The following XKR9 variants were observed in gnomAD, a reference collection of about 807,000 sequenced individuals.
The protein encoded by XKR9 is XK-related protein 9.
A neutral mutation model predicts 32.0 loss-of-function variants in XKR9; 32 were observed. The observed-to-expected ratio is 1.00, with a 90% confidence interval of 0.76 to 1.34. The LOEUF (loss-of-function observed/expected upper bound fraction) is 1.34. Among genes scored for constraint, XKR9 ranks in the 40% most tolerant of loss-of-function variants. The pLI, the probability that XKR9 is intolerant of heterozygous loss-of-function variation, is 0.00. For synonymous variants in XKR9, 168 were observed against 143.4 expected (o/e 1.17, Z -1.22); for missense variants, 546 against 429.7 (o/e 1.27, Z -2.39).
In XKR9 at chr8:70,757,514, A is replaced by T. The variant is rs148365687; in HGVS notation, n.353-31825A>T. Among the ~76,000 whole-genome samples the T allele has an allele frequency of 6.5e-3, 989 of 152,100 alleles. 3 individuals are homozygous for T. The highest frequency in any genetic ancestry group is 9.4e-3 in the Non-Finnish European group (637 of 68,010). On this transcript the variant is annotated intron_variant and non_coding_transcript_variant, in intron 2 of 3. Coordinates refer to the XKR9 transcript ENST00000520273. ...TTATTGGTATTCTCTATTTGGTATAATATTGTCAATATATCTTTCTTTACT... is the reference window on the plus strand; with the variant it reads ...TTATTGGTATTCTCTATTTGGTATATTATTGTCAATATATCTTTCTTTACT...
At chr8:70,763,054 T>C (rs941457575) in intron 2 of XKR9, among the ~76,000 whole-genome samples, 4 of 152,180 alleles carry the variant, frequency 2.6e-5, no homozygotes, top group African/African-American at 9.7e-5. Flanking sequence ...AAAAAATGAT[T>C]TAATTATATA....
intron 2 of XKR9, among the ~76,000 whole-genome samples, chr8:70,770,920 G>T (rs1055149433): frequency 6.6e-6 from 1 of 152,176 alleles, no homozygotes. Context: ...GATAGTGAAT[G>T]CTTCTTGTCT....
the XKR9 span, among the ~76,000 whole-genome samples, chr8:70,876,955 C>A: frequency 1.3e-5 from 2 of 152,008 alleles, no homozygotes; most frequent in African/African-American, 4.8e-5. Flanking sequence ...ATTTTATTAT[C>A]ATTGCATCTG....
chr8:70,908,359 T>C, the XKR9 span, among the ~76,000 whole-genome samples: 1 of 152,198 alleles, frequency 6.6e-6, no homozygotes, highest in Non-Finnish European at 1.5e-5. Flanking sequence ...ATCTAAATGA[T>C]CACGAAGTTC....
intron 2 of XKR9, among the ~76,000 whole-genome samples, chr8:70,744,027 T>G (rs1432459851): frequency 1.3e-5 from 2 of 152,138 alleles, no homozygotes; most frequent in African/African-American, 4.8e-5. Flanking sequence ...ACATTTTCAG[T>G]AATCTTTCTG....
chr8:71,063,577 G>C, the XKR9 span, among the ~76,000 whole-genome samples: 1 of 151,304 alleles, frequency 6.6e-6, no homozygotes, highest in African/African-American at 2.4e-5. Flanking sequence ...AGAAAGAAAA[G>C]AAAAAAACTA....
chr8:70,749,392 A>G (rs1229277136), intron 2 of XKR9, among the ~76,000 whole-genome samples: 1 of 151,302 alleles, frequency 6.6e-6, no homozygotes, highest in Non-Finnish European at 1.5e-5. Flanking sequence ...ACATACTGTA[A>G]CACCCTCTTT....
chr8:70,976,086 T>G, the XKR9 span, among the ~76,000 whole-genome samples: 1 of 152,244 alleles, frequency 6.6e-6, no homozygotes, highest in African/African-American at 2.4e-5. Context: ...TTTTGCACAT[T>G]GATTTTGTAT....
intron 2 of XKR9, among the ~76,000 whole-genome samples, chr8:70,745,066 A>G (rs1807039218): frequency 6.7e-6 from 1 of 150,164 alleles, no homozygotes; most frequent in African/African-American, 2.4e-5. Context: ...TATATTATAC[A>G]TCTACTAAGG....
the XKR9 span, among the ~76,000 whole-genome samples, chr8:70,973,807 C>A: frequency 6.6e-6 from 1 of 152,138 alleles, no homozygotes; most frequent in African/African-American, 2.4e-5. Flanking sequence ...CAATTTTATT[C>A]CACTGTCGTT....
Position 70,776,923 on chromosome 8 carries a change from T to TTCTCTCTCTCTCTCTCTCTC in XKR9, n.353-12410_353-12391dup, listed in dbSNP as rs369388439. On this transcript the variant is annotated intron_variant and non_coding_transcript_variant, in intron 2 of 3. Coordinates refer to the XKR9 transcript ENST00000520273. Reference sequence around the variant, plus strand: ...TGCATTTAGCAGGTTTTCTCTTTCTTTCTCTCTCTCTCTCTCTCTCTCTCT... The same window carrying TTCTCTCTCTCTCTCTCTCTC: ...TGCATTTAGCAGGTTTTCTCTTTCTTTCTCTCTCTCTCTCTCTCTCTCTCTCTCTCTCTCTCTCTCTCTCT... 1.2e-3 allele frequency among the ~76,000 whole-genome samples: 71 copies of TTCTCTCTCTCTCTCTCTCTC among 59,620 alleles called. 3 individuals carry two copies. Among genetic ancestry groups the TTCTCTCTCTCTCTCTCTCTC allele is most frequent in the Admixed American group, 3.4e-3 (17 of 5,012 alleles). 39.1% of individuals were successfully genotyped at this position (59,620 alleles called of 152,430 possible). A position where few individuals can be genotyped will look rare whatever the true frequency, so the allele number is the denominator to read the frequency against.
the XKR9 span, among the ~76,000 whole-genome samples, chr8:70,970,962 C>A: frequency 1.3e-5 from 2 of 152,062 alleles, no homozygotes; most frequent in African/African-American, 4.8e-5. Context: ...GGGTATATAC[C>A]CAAAGGATTA....
chr8:70,774,662 T>C (rs571093046), intron 2 of XKR9, among the ~76,000 whole-genome samples: 2 of 152,256 alleles, frequency 1.3e-5, no homozygotes, highest in African/African-American at 4.8e-5. Flanking sequence ...TTGAAAAGAC[T>C]GTCCTCTCCC....
the XKR9 span, among the ~76,000 whole-genome samples, chr8:70,825,708 T>A: frequency 4.6e-5 from 7 of 152,196 alleles, no homozygotes; most frequent in Admixed American, 3.9e-4. Context: ...TGTCTGTGAA[T>A]GTCATTGCTG....
At chr8:71,052,981 G>A in the XKR9 span, among the ~76,000 whole-genome samples, 2 of 152,126 alleles carry the variant, frequency 1.3e-5, no homozygotes, top group Non-Finnish European at 2.9e-5. Flanking sequence ...TTAGTCCAAT[G>A]GTACTTAAAA....
intron 2 of XKR9, among the ~76,000 whole-genome samples, chr8:70,678,987 A>G (rs1238668436): frequency 6.6e-6 from 1 of 152,194 alleles, no homozygotes; most frequent in Non-Finnish European, 1.5e-5. Flanking sequence ...AACAATAGAA[A>G]TTTATTTTTT....
chr8:70,999,350 C>T, the XKR9 span, among the ~76,000 whole-genome samples: 1 of 152,138 alleles, frequency 6.6e-6, no homozygotes, highest in African/African-American at 2.4e-5. Context: ...TTTGTTTCCA[C>T]CATATCATGA....
chr8:70,890,137 A>G, the XKR9 span, among the ~76,000 whole-genome samples: 62 of 151,934 alleles, frequency 4.1e-4, no homozygotes, highest in African/African-American at 1.4e-3. Context: ...AGATGGTCTC[A>G]TTGTCATTTT....
At chr8:70,771,725 T>G (rs1807456257) in intron 2 of XKR9, among the ~76,000 whole-genome samples, 1 of 152,194 alleles carries the variant, frequency 6.6e-6, no homozygotes, top group African/African-American at 2.4e-5. Context: ...GCTGAAATGT[T>G]CCTTAACTCT....
Sources: allele counts gnomAD v4.1 joint callset (sites outside exome capture counted in the v4.1 genomes callset), GRCh38; gene constraint gnomAD v4.1.1; transcripts MANE v1.5; gene names NCBI Gene and HGNC (gene_info 2026-07-23, HGNC 2026-07-21).